Variants in SLC9D1 observed in about 807,000 individuals in gnomAD.
The protein encoded by SLC9D1 is solute carrier family 9 member D1.
At chr13:113,525,178 C>T in the SLC9D1 span, among the ~76,000 whole-genome samples, 48 of 152,304 alleles carry the variant, frequency 3.2e-4, no homozygotes, top group Non-Finnish European at 4.1e-4. Context: ...AATAGTCACG[C>T]GCTGCATAAT....
chr13:113,525,412 C>T, the SLC9D1 span, among the ~76,000 whole-genome samples: 5 of 152,200 alleles, frequency 3.3e-5, no homozygotes, highest in East Asian at 1.9e-4. Flanking sequence ...TACTTGATAA[C>T]GACAATAAAT....
chr13:113,546,394 A>T, the SLC9D1 span, among the ~76,000 whole-genome samples: 2 of 151,444 alleles, frequency 1.3e-5, no homozygotes, highest in African/African-American at 2.4e-5. This position sits in a 1 kb window ranked among gnomAD's most constrained non-coding sequence, Gnocchi z 7.1. Flanking sequence ...GAGCACTGGG[A>T]GTGGGCATGG....
the SLC9D1 span, among the ~76,000 whole-genome samples, chr13:113,521,490 A>G: frequency 1.4e-5 from 2 of 147,778 alleles, no homozygotes; most frequent in African/African-American, 5.1e-5. Context: ...TGTGGGGTAT[A>G]TCTGTGTGTT....
At chr13:113,539,777 G>T in the SLC9D1 span, among the ~76,000 whole-genome samples, 1 of 152,092 alleles carries the variant, frequency 6.6e-6, no homozygotes, top group Admixed American at 6.6e-5. The surrounding 1 kb of genome is among the most constrained non-coding windows in gnomAD (Gnocchi z 4.8). Context: ...CACGGGTAGT[G>T]AGTGTCACAG....
chr13:113,532,100 G>T, the SLC9D1 span, among the ~76,000 whole-genome samples: 3 of 152,072 alleles, frequency 2.0e-5, no homozygotes, highest in Admixed American at 1.3e-4. Context: ...GGCACACAGT[G>T]CTCTGCACAC....
the SLC9D1 span, among the ~76,000 whole-genome samples, chr13:113,517,384 C>T: frequency 4.4e-4 from 67 of 152,108 alleles, no homozygotes; most frequent in African/African-American, 1.4e-3. Context: ...AGGCGCCCGC[C>T]ACCACGCCCG....
At chr13:113,526,202 A>C in the SLC9D1 span, among the ~76,000 whole-genome samples, 7 of 152,258 alleles carry the variant, frequency 4.6e-5, no homozygotes, top group African/African-American at 1.7e-4. Context: ...TTTGTGTCTT[A>C]GTTTTTAACC....
chr13:113,544,315 C>T, the SLC9D1 span, among the ~76,000 whole-genome samples: 2 of 152,176 alleles, frequency 1.3e-5, no homozygotes, highest in Non-Finnish European at 2.9e-5. Context: ...ATCTTTAGGC[C>T]CTGAGTGAGG....
At chr13:113,508,896 A>G in the SLC9D1 span, among the ~76,000 whole-genome samples, 8 of 152,098 alleles carry the variant, frequency 5.3e-5, no homozygotes, top group Non-Finnish European at 7.3e-5. Flanking sequence ...CAAAGCACCC[A>G]AGGTACATTG....
the SLC9D1 span, among the ~76,000 whole-genome samples, chr13:113,519,893 A>AACACT: frequency 6.6e-6 from 1 of 152,186 alleles, no homozygotes; most frequent in African/African-American, 2.4e-5. Context: ...GCACACGTGG[A>AACACT]ACACACCACG....
chr13:113,501,765 T>C, the SLC9D1 span: 2 of 1,609,614 alleles, frequency 1.2e-6, no homozygotes, highest in African/African-American at 2.7e-5. Context: ...ATTGTTACCA[T>C]AGGAATGCTG....
chr13:113,532,064 G>A, the SLC9D1 span, among the ~76,000 whole-genome samples: 1 of 152,206 alleles, frequency 6.6e-6, no homozygotes, highest in Non-Finnish European at 1.5e-5. Flanking sequence ...GGATCGTACA[G>A]CTCTTACCAG....
the SLC9D1 span, chr13:113,524,070 GA>G: frequency 1.3e-5 from 6 of 454,378 alleles, no homozygotes; most frequent in South Asian, 3.1e-5. Context: ...CACTTGGGAG[GA>G]AAAAAAAGTG....
At chr13:113,535,871 G>A in the SLC9D1 span, among the ~76,000 whole-genome samples, 3 of 151,780 alleles carry the variant, frequency 2.0e-5, no homozygotes, top group Non-Finnish European at 4.4e-5. The surrounding 1 kb of genome is among the most constrained non-coding windows in gnomAD (Gnocchi z 4.1). Flanking sequence ...GATGGCATTC[G>A]CTGTGTTTGC....
At chr13:113,521,513 G>T in the SLC9D1 span, among the ~76,000 whole-genome samples, 2 of 150,762 alleles carry the variant, frequency 1.3e-5, no homozygotes, top group Non-Finnish European at 3.0e-5. Flanking sequence ...ATGTGTCTGC[G>T]TGCATGTGTG....
chr13:113,519,266 G>A, the SLC9D1 span, among the ~76,000 whole-genome samples: 3 of 151,208 alleles, frequency 2.0e-5, no homozygotes, highest in Non-Finnish European at 2.9e-5. Flanking sequence ...GGCTGGTCTC[G>A]AACTCCTGAC....
At chr13:113,518,186 A>G in the SLC9D1 span, among the ~76,000 whole-genome samples, 4 of 152,316 alleles carry the variant, frequency 2.6e-5, no homozygotes, top group South Asian at 8.3e-4. Context: ...CAGTGTGGTA[A>G]TATTTTCATC....
the SLC9D1 span, among the ~76,000 whole-genome samples, chr13:113,531,863 G>A: frequency 0.19 from 28,355 of 152,232 alleles, 3,510 homozygotes; most frequent in African/African-American, 0.35. Context: ...AATGGACACT[G>A]TGGGAGTCTT....
At chr13:113,517,393 C>T in the SLC9D1 span, among the ~76,000 whole-genome samples, 5 of 152,186 alleles carry the variant, frequency 3.3e-5, no homozygotes, top group South Asian at 2.1e-4. Flanking sequence ...CCACCACGCC[C>T]GGCTAATTCT....
Sources: gnomAD v4.1 joint callset for allele counts (sites outside exome capture counted in the v4.1 genomes callset) on GRCh38, gnomAD v4.1.1 for gene constraint, Gnocchi (gnomAD v3.1) non-coding constraint, MANE v1.5 for transcripts, NCBI Gene and HGNC (gene_info 2026-07-23, HGNC 2026-07-21) for gene names.